EBF1: variants seen among roughly 807,000 people sequenced by gnomAD.
EBF1 encodes the protein EBF transcription factor 1.
In EBF1, 10 loss-of-function variants were observed where a neutral mutation model predicts 68.4. The ratio of observed to expected loss-of-function variants is 0.15; its 90% CI spans 0.09 to 0.25. The LOEUF (loss-of-function observed/expected upper bound fraction) is 0.25. Ranked by LOEUF, EBF1 falls within the 10% of genes least tolerant of loss-of-function variation. The pLI is 1.00. For synonymous variants in EBF1, 298 were observed against 299.8 expected, an observed-to-expected ratio of 0.99 and a Z score of 0.06; for missense variants, 509 against 794.4, an observed-to-expected ratio of 0.64 and a Z score of 4.32.
chr5:158,873,771 A>G (rs1156649705), intron 6 of EBF1, among the ~76,000 whole-genome samples: 1 of 152,196 alleles, frequency 6.6e-6, no homozygotes, highest in Non-Finnish European at 1.5e-5. Context: ...ACTAAAAGAA[A>G]TTTTAAATAA....
chr5:158,919,281 G>T (rs1233055157), intron 6 of EBF1, among the ~76,000 whole-genome samples: 2 of 150,978 alleles, frequency 1.3e-5, no homozygotes, highest in African/African-American at 4.9e-5. Flanking sequence ...TAACAACCTT[G>T]TAGGGGGAAC....
chr5:158,696,192 TCCC>T lies in EBF1; in HGVS notation c.*2916_*2918del, dbSNP rs1229880367. The T allele has an allele frequency of 4.6e-6, 1 of 217,366 alleles. No individual in the cohort carries two copies. Among genetic ancestry groups the T allele is most frequent in the Non-Finnish European group, 9.3e-6 (1 of 108,010 alleles). 13.5% of individuals were successfully genotyped at this position (217,366 alleles called of 1,614,324 possible). A position where few individuals can be genotyped will look rare whatever the true frequency, so the allele number is the denominator to read the frequency against. On this transcript the variant is annotated 3_prime_UTR_variant, in exon 16 of 16. Coordinates refer to ENST00000313708, the MANE Select transcript of EBF1 (RefSeq NM_024007.5). The stretch of plus-strand genomic sequence containing the variant: ...CCAGTCATCCAGAAGCTGTATTTTT[TCCC>T]CCAACACTGAAATCTTAATTTAATT...
intron 9 of EBF1, among the ~76,000 whole-genome samples, chr5:158,783,756 G>A (rs529006333): frequency 1.3e-3 from 194 of 152,324 alleles, no homozygotes; most frequent in African/African-American, 4.0e-3. Flanking sequence ...AGCCAGACAT[G>A]AAGGTGGTTG....
intron 12 of EBF1, 61 bp downstream of exon 12, chr5:158,714,056 G>A: frequency 6.5e-7 from 1 of 1,545,468 alleles, no homozygotes; most frequent in Non-Finnish European, 8.9e-7. Context: ...TTACGATGAG[G>A]AATCTGAGAT....
intron 5 of EBF1, 166 bp from the exon 6 acceptor site, chr5:159,073,630 A>G (rs1778224202): frequency 1.0e-5 from 7 of 676,070 alleles, no homozygotes; most frequent in South Asian, 1.8e-5. Flanking sequence ...TGGGTCACCT[A>G]TGGGTTAATG....
intron 6 of EBF1, among the ~76,000 whole-genome samples, chr5:158,954,889 C>A (rs552780053): frequency 6.6e-6 from 1 of 152,136 alleles, no homozygotes; most frequent in Admixed American, 6.6e-5. Flanking sequence ...ACTTACGGAG[C>A]CAAGCAAAGT....
At chr5:158,847,997 A>C (rs1791868211) in intron 6 of EBF1, among the ~76,000 whole-genome samples, 1 of 152,204 alleles carries the variant, frequency 6.6e-6, no homozygotes, top group African/African-American at 2.4e-5. Flanking sequence ...GCCAAGCATA[A>C]AAAATGAGGC....
At chr5:159,012,148 G>A (rs1299374528) in intron 6 of EBF1, among the ~76,000 whole-genome samples, 2 of 152,146 alleles carry the variant, frequency 1.3e-5, no homozygotes, top group South Asian at 2.1e-4. Flanking sequence ...TTAGCTGGGT[G>A]TGGTGGCACG....
At chr5:158,861,293 G>T (rs1183806186) in intron 6 of EBF1, among the ~76,000 whole-genome samples, 1 of 152,196 alleles carries the variant, frequency 6.6e-6, no homozygotes, top group Non-Finnish European at 1.5e-5. Flanking sequence ...TTATAAAAAT[G>T]AAGCCAACCT....
At chr5:159,090,998 C>T (rs1781522926) in intron 4 of EBF1, among the ~76,000 whole-genome samples, 1 of 152,252 alleles carries the variant, frequency 6.6e-6, no homozygotes, top group East Asian at 1.9e-4. Flanking sequence ...CTCACTAAAA[C>T]CAGATCATTC....
intron 10 of EBF1, among the ~76,000 whole-genome samples, chr5:158,764,921 C>A (rs1055670722): frequency 6.6e-6 from 1 of 152,008 alleles, no homozygotes; most frequent in Non-Finnish European, 1.5e-5. Context: ...CATTTTTACA[C>A]CTGAAAATGG....
intron 7 of EBF1, among the ~76,000 whole-genome samples, chr5:158,826,926 G>T (rs183296892): frequency 6.6e-6 from 1 of 152,216 alleles, no homozygotes; most frequent in Non-Finnish European, 1.5e-5. Context: ...GAATTTGAAA[G>T]AACTAGACAC....
At chr5:158,714,231 G>T in intron 11 of EBF1, 49 bp from the exon 12 acceptor site, 1 of 1,599,762 alleles carries the variant, frequency 6.3e-7, no homozygotes, top group Non-Finnish European at 8.6e-7. Context: ...GCAGGTTGTC[G>T]TTATCTTTTG....
In EBF1 at chr5:158,697,272, AT is replaced by A. The variant is rs34258322; in HGVS notation, c.*1838del. On this transcript the variant is annotated 3_prime_UTR_variant, in exon 16 of 16. Transcript: ENST00000313708. ...AATACTACAAGAATAATATGCTACT[AT>A]TTTTTTTTTTTTGCCATATATTGGA... The A allele has an allele frequency of 0.37, 64,162 of 174,278 alleles. 10,537 individuals carry two copies. Among genetic ancestry groups the A allele is most frequent in the East Asian group, 0.58 (6,046 of 10,354 alleles). 10.8% of individuals were successfully genotyped at this position (174,278 alleles called of 1,614,324 possible).
chr5:158,801,346 T>C (rs1158617186), intron 8 of EBF1, among the ~76,000 whole-genome samples: 1 of 152,166 alleles, frequency 6.6e-6, no homozygotes, highest in Non-Finnish European at 1.5e-5. Context: ...TAAATATTAC[T>C]ATGCCCTGCC....
chr5:159,018,714 A>ATC (rs1482574029), intron 6 of EBF1, among the ~76,000 whole-genome samples: 1 of 152,002 alleles, frequency 6.6e-6, no homozygotes. Context: ...CCTTACAAAA[A>ATC]CTCTATGATG....
At chr5:158,701,331 G>T (rs1259624411) in intron 15 of EBF1, among the ~76,000 whole-genome samples, 1 of 149,416 alleles carries the variant, frequency 6.7e-6, no homozygotes, top group Admixed American at 6.7e-5. Flanking sequence ...TAGCTGGTCT[G>T]TGAAAACATC....
chr5:158,837,439 T>C (rs568767746), intron 7 of EBF1, among the ~76,000 whole-genome samples: 2 of 152,342 alleles, frequency 1.3e-5, no homozygotes, highest in African/African-American at 4.8e-5. Context: ...AAAATATTGC[T>C]TTCTTTCATA....
intron 9 of EBF1, among the ~76,000 whole-genome samples, chr5:158,794,488 T>C (rs928833179): frequency 6.6e-6 from 1 of 152,140 alleles, no homozygotes; most frequent in Non-Finnish European, 1.5e-5. Flanking sequence ...AAATGCATGA[T>C]TTCCTGATGT....
Sources: allele counts gnomAD v4.1 joint callset (sites outside exome capture counted in the v4.1 genomes callset), GRCh38; gene constraint gnomAD v4.1.1; transcripts MANE v1.5; gene names NCBI Gene and HGNC (gene_info 2026-07-23, HGNC 2026-07-21).